Variants in CACNA1E observed in about 807,000 individuals in gnomAD.
The protein encoded by CACNA1E is calcium voltage-gated channel subunit alpha1 E.
A neutral mutation model predicts 259.2 loss-of-function variants in CACNA1E; 40 were observed. The ratio of observed to expected loss-of-function variants is 0.15; its 90% CI spans 0.12 to 0.20. The LOEUF (loss-of-function observed/expected upper bound fraction) is 0.20. Among genes scored for constraint, CACNA1E ranks in the 10% least tolerant of loss-of-function variants. CACNA1E has a pLI of 1.00. For missense variants in CACNA1E, 1,874 were observed against 3,040.1 expected, an observed-to-expected ratio of 0.62 and a Z score of 9.02; for synonymous variants, 1,104 against 1,138.5, an observed-to-expected ratio of 0.97 and a Z score of 0.61.
At chr1:181,440,964 G>C (rs12750540) in intron 2 of CACNA1E, among the ~76,000 whole-genome samples, 1 of 126,640 alleles carries the variant, frequency 7.9e-6, no homozygotes, top group Non-Finnish European at 1.6e-5. Context: ...CTGGGTGAGA[G>C]AGCGAGACGA....
intron 1 of CACNA1E, among the ~76,000 whole-genome samples, chr1:181,371,521 C>T (rs1314223982): frequency 6.6e-6 from 1 of 152,200 alleles, no homozygotes; most frequent in African/African-American, 2.4e-5. Flanking sequence ...GCAATCCTGC[C>T]TTGGCCTCCC....
intron 7 of CACNA1E, among the ~76,000 whole-genome samples, chr1:181,682,894 C>G (rs1197235083): frequency 6.6e-6 from 1 of 152,136 alleles, no homozygotes; most frequent in African/African-American, 2.4e-5. Context: ...CCACCAGGCC[C>G]CACCTCCAGT....
At chr1:181,734,627 G>T (rs559437089) in intron 21 of CACNA1E, among the ~76,000 whole-genome samples, 13 of 65,792 alleles carry the variant, frequency 2.0e-4, no homozygotes, top group South Asian at 5.3e-4. Flanking sequence ...CCATCCCTGC[G>T]CTGACCCCAC....
chr1:181,453,446 A>G (rs1472522944), intron 2 of CACNA1E, among the ~76,000 whole-genome samples: 1 of 152,196 alleles, frequency 6.6e-6, no homozygotes, highest in Non-Finnish European at 1.5e-5. Flanking sequence ...AAGGATACAG[A>G]TTTTAACAAA....
At chr1:181,539,382 CTAAT>C (rs1320844555) in intron 3 of CACNA1E, among the ~76,000 whole-genome samples, 98 of 152,162 alleles carry the variant, frequency 6.4e-4, no homozygotes, top group African/African-American at 1.7e-3. Flanking sequence ...ACTGAACAAG[CTAAT>C]TAATGAATTA....
intron 7 of CACNA1E, among the ~76,000 whole-genome samples, chr1:181,696,715 A>G (rs953233908): frequency 1.3e-5 from 2 of 152,228 alleles, no homozygotes; most frequent in African/African-American, 2.4e-5. Context: ...ATGCACAGAT[A>G]ATGTTTGCAG....
intron 34 of CACNA1E, 25 bp downstream of exon 34, chr1:181,763,556 C>T (rs1349241877): frequency 6.5e-7 from 1 of 1,536,622 alleles, no homozygotes; most frequent in South Asian, 1.2e-5. Flanking sequence ...CAAATCCTCT[C>T]TGAGGGTTGT....
chr1:181,750,030 C>G (rs1284040180), intron 25 of CACNA1E, among the ~76,000 whole-genome samples: 1 of 152,236 alleles, frequency 6.6e-6, no homozygotes, highest in East Asian at 1.9e-4. Flanking sequence ...ATTTCTGGCC[C>G]AGAGTGGGCA....
intron 1 of CACNA1E, among the ~76,000 whole-genome samples, chr1:181,372,824 A>ATT (rs1457214737): frequency 7.7e-6 from 1 of 129,438 alleles, no homozygotes; most frequent in African/African-American, 3.2e-5. Flanking sequence ...ATATATATAT[A>ATT]TATATTTTTT....
intron 3 of CACNA1E, among the ~76,000 whole-genome samples, chr1:181,514,056 A>G (rs1291421955): frequency 6.6e-6 from 1 of 152,142 alleles, no homozygotes; most frequent in Non-Finnish European, 1.5e-5. Context: ...CTCCAGGCAA[A>G]GAGCTTGGTC....
intron 1 of CACNA1E, among the ~76,000 whole-genome samples, chr1:181,331,388 C>A (rs1651250881): frequency 6.6e-6 from 1 of 152,136 alleles, no homozygotes; most frequent in Admixed American, 6.5e-5. Context: ...GGCCTAAGAA[C>A]CTGGAAGGAC....
intron 2 of CACNA1E, among the ~76,000 whole-genome samples, chr1:181,435,256 T>C (rs567713679): frequency 6.6e-6 from 1 of 152,228 alleles, no homozygotes; most frequent in Non-Finnish European, 1.5e-5. Flanking sequence ...TTGCCTATGC[T>C]CTGTGAAGAA....
intron 1 of CACNA1E, among the ~76,000 whole-genome samples, chr1:181,358,253 C>T (rs1180763545): frequency 6.6e-6 from 1 of 152,178 alleles, no homozygotes; most frequent in African/African-American, 2.4e-5. Flanking sequence ...TAGTCTTTCT[C>T]TTGTTTGGAG....
Position 181,790,649 on chromosome 1 carries a change from A to C in CACNA1E, c.5898+93A>C, listed in dbSNP as rs1357784189. 3 of 849,582 alleles carry C rather than the reference A, an allele frequency of 3.5e-6. No individual in the cohort carries two copies. In the African/African-American group the frequency reaches 5.0e-5, roughly 14 times the overall value. 52.6% of individuals were successfully genotyped at this position (849,582 alleles called of 1,614,324 possible). ...TTACATAGTCATGGTCCGTCAGGAA[A>C]ATCCATTCTAGTAGTTTAGCCAGTT... On this transcript the variant is annotated intron_variant, in intron 44 of 47. Coordinates refer to ENST00000367573, the MANE Select transcript of CACNA1E (RefSeq NM_001205293.3).
chr1:181,543,940 T>C (rs891837722), intron 3 of CACNA1E, among the ~76,000 whole-genome samples: 3 of 152,200 alleles, frequency 2.0e-5, no homozygotes, highest in Non-Finnish European at 4.4e-5. Context: ...ATGTTAAACA[T>C]GGACCATATG....
intron 2 of CACNA1E, among the ~76,000 whole-genome samples, chr1:181,434,855 A>G (rs61812689): frequency 0.024 from 3,720 of 152,256 alleles, 66 homozygotes; most frequent in Middle Eastern, 0.065. Context: ...CAGCGGAGGG[A>G]TGCCTACTCA....
chr1:181,526,332 C>A (rs539010573), intron 3 of CACNA1E, among the ~76,000 whole-genome samples: 2 of 151,516 alleles, frequency 1.3e-5, no homozygotes, highest in African/African-American at 2.4e-5. Flanking sequence ...AATGAGGAAG[C>A]CTGACTCCAG....
At chr1:181,403,294 G>C (rs747825788) in intron 1 of CACNA1E, among the ~76,000 whole-genome samples, 29 of 151,252 alleles carry the variant, frequency 1.9e-4, no homozygotes, top group Non-Finnish European at 3.7e-4. Flanking sequence ...ATAAAATTAA[G>C]AACCCAATAA....
At chr1:181,428,926 A>T (rs895214726) in intron 2 of CACNA1E, among the ~76,000 whole-genome samples, 1 of 152,184 alleles carries the variant, frequency 6.6e-6, no homozygotes, top group Admixed American at 6.5e-5. Flanking sequence ...TCATGCCTGT[A>T]ATCCCAGCAC....
Sources: gnomAD v4.1 joint callset for allele counts (sites outside exome capture counted in the v4.1 genomes callset) on GRCh38, gnomAD v4.1.1 for gene constraint, MANE v1.5 for transcripts, NCBI Gene and HGNC (gene_info 2026-07-23, HGNC 2026-07-21) for gene names.